The following CD47 variants were observed in gnomAD, a reference collection of about 807,000 sequenced individuals.
CD47 encodes CD47 molecule.
Under a neutral mutation model 44.6 loss-of-function variants are expected in CD47, and 11 were observed. The ratio of observed to expected loss-of-function variants is 0.25; its 90% CI spans 0.16 to 0.41. The LOEUF (loss-of-function observed/expected upper bound fraction) is 0.41. CD47 is among the 10% of genes least tolerant of loss of function. CD47 has a pLI of 1.00. For synonymous variants in CD47, 140 were observed against 136.3 expected, an observed-to-expected ratio of 1.03 and a Z score of -0.19; for missense variants, 306 against 386.7, an observed-to-expected ratio of 0.79 and a Z score of 1.75.
At chr3:108,071,538 G>A (rs927657232) in intron 2 of CD47, among the ~76,000 whole-genome samples, 16 of 152,148 alleles carry the variant, frequency 1.1e-4, no homozygotes, top group South Asian at 4.1e-4. Context: ...CCGTGACCAC[G>A]TGTCAACACC....
At chr3:108,051,260 T>C (rs76126125) in intron 8 of CD47, among the ~76,000 whole-genome samples, 237 of 152,320 alleles carry the variant, frequency 1.6e-3, no homozygotes, top group African/African-American at 5.5e-3. Context: ...ATATAATCCT[T>C]TCCAGAGCTT....
intron 10 of CD47, among the ~76,000 whole-genome samples, chr3:108,049,193 T>C (rs1388428389): frequency 2.0e-5 from 3 of 149,812 alleles, no homozygotes; most frequent in African/African-American, 7.4e-5. Context: ...AAGCTCCTGA[T>C]TGGAAAAGCA....
chr3:108,044,700 G>A lies in CD47; in HGVS notation c.*2588C>T, dbSNP rs138720718. On this transcript the variant is annotated 3_prime_UTR_variant, in exon 11 of 11. Transcript: ENST00000361309. ...GCATAAAGTACTATAGGAATGGTAA[G>A]TTAAGAGACAAAAGAGCAGCTACAC... 9 of 152,272 alleles carry A rather than the reference G, an allele frequency of 5.9e-5. No homozygotes were observed. In the East Asian group the frequency reaches 1.4e-3, roughly 23 times the overall value. The allele number at this position is 152,272 out of a possible 1,614,324, so 9.4% of individuals were successfully genotyped here.
Position 108,071,090 on chromosome 3 carries a change from T to C in CD47, c.490+3A>G. 8.3e-7 allele frequency: 1 copy of C among 1,208,072 alleles called. No individual in the cohort carries two copies. Among genetic ancestry groups the C allele is most frequent in the Non-Finnish European group, 1.2e-6 (1 of 846,862 alleles). The allele number at this position is 1,208,072 out of a possible 1,614,324, so 74.8% of individuals were successfully genotyped here. Reference sequence around the variant, plus strand: ...ATAAATGAAAAGTAGAAATAATACTTACTTTTAATACCAAACTGTCCCCAG... The same window carrying C: ...ATAAATGAAAAGTAGAAATAATACTCACTTTTAATACCAAACTGTCCCCAG... On this transcript the variant is annotated splice_donor_region_variant and intron_variant, in intron 3 of 10. Coordinates refer to ENST00000361309, the MANE Select transcript of CD47 (RefSeq NM_001777.4).
chr3:108,049,628 T>A lies in CD47; in HGVS notation c.958A>T (p.Met320Leu). Residue 320 changes from methionine to leucine, a missense_variant, in exon 10 of 11, where the codon ATG (methionine) becomes TTG (leucine). Physicochemically the swap from Met to Leu is conservative, Grantham distance 15. Coordinates refer to ENST00000361309, the MANE Select transcript of CD47 (RefSeq NM_001777.4). ...TGCATTTTATACTTACCATCATTCA[T>A]CATTCCTTTTGATTCTTTGAATGCT... ...LNAFKESKGMMNDE is the reference protein window; with the variant it reads ...LNAFKESKGMLNDE The A allele has an allele frequency of 6.3e-7, 1 of 1,591,314 alleles. No individual in the cohort carries two copies. Among genetic ancestry groups the A allele is most frequent in the Non-Finnish European group, 8.6e-7 (1 of 1,159,310 alleles).
chr3:108,086,661 G>A (rs1245858317), intron 1 of CD47, among the ~76,000 whole-genome samples: 1 of 152,178 alleles, frequency 6.6e-6, no homozygotes, highest in Non-Finnish European at 1.5e-5. Context: ...ATTTGGCAGT[G>A]TAAGAAAGCA....
intron 2 of CD47, among the ~76,000 whole-genome samples, chr3:108,079,587 A>AC (rs1328778623): frequency 7.1e-6 from 1 of 139,862 alleles, no homozygotes; most frequent in Non-Finnish European, 1.6e-5. Flanking sequence ...AAAAAAAAAA[A>AC]AAAAAAAACA....
At chr3:108,074,705 G>C (rs2079273727) in intron 2 of CD47, among the ~76,000 whole-genome samples, 1 of 118,800 alleles carries the variant, frequency 8.4e-6, no homozygotes, top group African/African-American at 3.0e-5. Flanking sequence ...TGATATGTGG[G>C]GCGGGTGGGG....
chr3:108,090,956 C>G lies in CD47; in HGVS notation c.-48G>C, dbSNP rs1299563557. The G allele has an allele frequency of 4.5e-6, 6 of 1,346,696 alleles. No homozygotes were observed. The highest frequency in any genetic ancestry group is 5.9e-6 in the Non-Finnish European group (6 of 1,021,470). The allele number at this position is 1,346,696 out of a possible 1,614,324, so 83.4% of individuals were successfully genotyped here. ...CCGCCGCCGCCGCAGGTGTCCGGAGCAGCAGCCGCCGCCGCCGTTACAGGC... is the reference window on the plus strand; with the variant it reads ...CCGCCGCCGCCGCAGGTGTCCGGAGGAGCAGCCGCCGCCGCCGTTACAGGC... On this transcript the variant is annotated 5_prime_UTR_variant, in exon 1 of 11. Coordinates refer to ENST00000361309, the MANE Select transcript of CD47 (RefSeq NM_001777.4).
Position 108,080,004 on chromosome 3 carries a change from T to C in CD47, c.387A>G (p.Leu129=), listed in dbSNP as rs753179012. ...TAGAAGTCTTACCAACACGATATTT[T>C]AGCTCGATGATCGTTTCACCTTCTC... is the stretch of plus-strand genomic sequence containing the variant. ...LTREGETIIE[L]KYRVVSWFSP... is the part of the protein sequence containing the mutation. The change falls in exon 2 of 11, where the codon CTA becomes CTG. Residue 129 remains leucine (L), a synonymous_variant. Transcript: ENST00000361309. 12 of 1,606,432 alleles carry C rather than the reference T, an allele frequency of 7.5e-6. No homozygotes were observed. Among genetic ancestry groups the C allele is most frequent in the Non-Finnish European group, 2.6e-6 (3 of 1,174,872 alleles).
intron 1 of CD47, among the ~76,000 whole-genome samples, chr3:108,087,085 C>T (rs1440562747): frequency 6.6e-6 from 1 of 152,082 alleles, no homozygotes; most frequent in Non-Finnish European, 1.5e-5. Context: ...AATGGATGTT[C>T]AGGAATGGAG....
At chr3:108,052,185 A>C in intron 7 of CD47, 1 of 382,022 alleles carries the variant, frequency 2.6e-6, no homozygotes, top group East Asian at 5.4e-5. Context: ...ACCCATCTAC[A>C]TCAAATAGTA....
chr3:108,080,692 G>T (rs2079400802), intron 1 of CD47, among the ~76,000 whole-genome samples: 2 of 151,840 alleles, frequency 1.3e-5, no homozygotes, highest in African/African-American at 4.8e-5. Flanking sequence ...ACTGATATAT[G>T]TAGAAAAATA....
chr3:108,069,661 A>C (rs2079163522), intron 3 of CD47, among the ~76,000 whole-genome samples: 1 of 152,086 alleles, frequency 6.6e-6, no homozygotes, highest in Admixed American at 6.6e-5. Context: ...GGTTCATTTC[A>C]CTAAAAATAA....
intron 3 of CD47, 126 bp from the exon 4 acceptor site, chr3:108,060,978 T>A: frequency 1.6e-6 from 1 of 622,612 alleles, no homozygotes; most frequent in Non-Finnish European, 2.8e-6. Context: ...GAACAACTCC[T>A]TAATATCATC....
At chr3:108,060,683 T>G in intron 4 of CD47, 62 bp downstream of exon 4, 1 of 1,090,864 alleles carries the variant, frequency 9.2e-7, no homozygotes, top group South Asian at 1.3e-5. Flanking sequence ...AATGCAGCCC[T>G]CCTCACCTTG....
chr3:108,072,278 T>G (rs2079217219), intron 2 of CD47, among the ~76,000 whole-genome samples: 1 of 152,212 alleles, frequency 6.6e-6, no homozygotes, highest in Non-Finnish European at 1.5e-5. Context: ...AAATCAACAC[T>G]TCTTTCAAAT....
chr3:108,069,843 T>C (rs2079167302), intron 3 of CD47, among the ~76,000 whole-genome samples: 1 of 152,192 alleles, frequency 6.6e-6, no homozygotes, highest in African/African-American at 2.4e-5. Flanking sequence ...TTCCCTAATA[T>C]CATTGATGCC....
chr3:108,088,291 C>G lies in CD47; in HGVS notation c.46+2572G>C, dbSNP rs150256885. 3.4e-3 allele frequency among the ~76,000 whole-genome samples: 520 copies of G among 152,236 alleles called. 5 individuals are homozygous for G. The highest frequency in any genetic ancestry group is 0.012 in the African/African-American group (496 of 41,534). On this transcript the variant is annotated intron_variant, in intron 1 of 10. Transcript: ENST00000361309. ...ATATGTATCAATTTGGGGGGAAAGT[C>G]ATCTATCTCTCATCTTTAGAACTTG...
Sources: gnomAD v4.1 joint callset for allele counts (sites outside exome capture counted in the v4.1 genomes callset) on GRCh38, gnomAD v4.1.1 for gene constraint, MANE v1.5 for transcripts, NCBI Gene and HGNC (gene_info 2026-07-23, HGNC 2026-07-21) for gene names.